Variants in TERB1 observed in about 807,000 individuals in gnomAD.
TERB1 encodes the protein telomere repeats-binding bouquet formation protein 1.
TERB1 carries 63 observed loss-of-function variants against 92.3 expected under a neutral mutation model. That is an observed-to-expected ratio of 0.68 (90% CI 0.56 to 0.84). TERB1 has a LOEUF of 0.84. Ranked by LOEUF, TERB1 falls within the 40% of genes least tolerant of loss-of-function variation. The pLI is 0.00. For missense variants in TERB1, 709 were observed against 843.7 expected (o/e 0.84, Z 1.98); for synonymous variants, 252 against 283.9 (o/e 0.89, Z 1.13).
chr16:66,766,160 C>T (rs1232230997), intron 16 of TERB1, among the ~76,000 whole-genome samples: 3 of 151,912 alleles, frequency 2.0e-5, no homozygotes, highest in Non-Finnish European at 2.9e-5. Context: ...CGTGAGCCAC[C>T]GCGCCCGGCC....
intron 6 of TERB1, among the ~76,000 whole-genome samples, chr16:66,787,267 TTTTC>T (rs1469696559): frequency 1.7e-4 from 23 of 136,452 alleles, no homozygotes; most frequent in African/African-American, 5.2e-4. Context: ...CCCAGTTAAT[TTTTC>T]TTTTTCTTTT....
intron 2 of TERB1, among the ~76,000 whole-genome samples, chr16:66,799,351 C>T (rs572351451): frequency 6.6e-6 from 1 of 152,240 alleles, no homozygotes; most frequent in South Asian, 2.1e-4. Context: ...TCTCCGCCTC[C>T]TGAGTGGCTG....
At chr16:66,791,962 C>A (rs1014499140) in intron 3 of TERB1, among the ~76,000 whole-genome samples, 4 of 152,032 alleles carry the variant, frequency 2.6e-5, no homozygotes. Flanking sequence ...TACCTTTATA[C>A]CAAAACGGAA....
intron 16 of TERB1, 22 bp downstream of exon 16, chr16:66,767,393 C>A (rs2018364793): frequency 2.2e-6 from 3 of 1,342,812 alleles, no homozygotes; most frequent in East Asian, 5.2e-5. Context: ...TGTGAAACAA[C>A]TGCAATTAAA....
chr16:66,786,020 G>A lies in TERB1; in HGVS notation c.571C>T (p.Gln191Ter). 1 of 1,544,400 alleles carries A rather than the reference G, an allele frequency of 6.5e-7. No individual in the cohort carries two copies. Among genetic ancestry groups the A allele is most frequent in the Non-Finnish European group, 8.7e-7 (1 of 1,143,194 alleles). Residue 191 changes from glutamine (Q) to a stop codon, truncating the protein, a stop_gained, in exon 8 of 19, where the codon CAA becomes TAA. Coordinates refer to ENST00000433154, the MANE Select transcript of TERB1 (RefSeq NM_001136505.2). LOFTEE classifies it high-confidence loss of function. ...AAACATGACAGATAATTACCATTTT[G>A]AGGATTGTTGACACAGACACACAGA... is the stretch of plus-strand genomic sequence containing the variant. ...STLCVCVNNP[Q>*]NDENQMFCCS... is the part of the protein sequence containing the mutation.
chr16:66,761,329 G>A (rs1486834386), intron 16 of TERB1, among the ~76,000 whole-genome samples: 1 of 151,074 alleles, frequency 6.6e-6, no homozygotes, highest in Non-Finnish European at 1.5e-5. Flanking sequence ...GCAGGTGCCT[G>A]TAATCCCAGC....
intron 13 of TERB1, 25 bp downstream of exon 13, chr16:66,772,564 T>C (rs1398042223): frequency 6.6e-7 from 1 of 1,522,214 alleles, no homozygotes. Context: ...AAAAGTTCTA[T>C]ATTCTTTAAA....
intron 9 of TERB1, among the ~76,000 whole-genome samples, chr16:66,783,055 T>A (rs188871752): frequency 1.3e-5 from 2 of 152,192 alleles, no homozygotes; most frequent in Non-Finnish European, 2.9e-5. Flanking sequence ...GGTCTTTCTA[T>A]GTTGCCCAGG....
At position 66,790,964 on chromosome 16, in the gene TERB1, A is replaced by G. The variant is rs1241293128; in HGVS notation, c.87T>C (p.Asn29=). 1.3e-6 allele frequency: 2 copies of G among 1,549,752 alleles called. No homozygotes were observed. Among genetic ancestry groups the G allele is most frequent in the African/African-American group, 2.7e-5 (2 of 73,004 alleles). ...CCAAAGCTTCCTTTTGTGAAAAAGC[A>G]TTGTCCATTTGATACTTTAGACACT... is the stretch of plus-strand genomic sequence containing the variant. ...LLECLKYQMD[N]AFSQKEALVT... The change falls in exon 4 of 19, where the codon AAT becomes AAC. Residue 29 remains asparagine (N), a synonymous_variant. Transcript: ENST00000433154.
At chr16:66,766,100 T>C (rs1399786704) in intron 16 of TERB1, among the ~76,000 whole-genome samples, 1 of 146,752 alleles carries the variant, frequency 6.8e-6, no homozygotes, top group Non-Finnish European at 1.5e-5. Flanking sequence ...CTCGATCTCC[T>C]GACCTCATGA....
rs34949570 is a variant in TERB1, at chr16:66,784,748, ATTTTTTT to A, written c.700+1031_700+1037del. Among the ~76,000 whole-genome samples, 23 of 117,610 alleles carry A rather than the reference ATTTTTTT, an allele frequency of 2.0e-4. No individual in the cohort carries two copies. The South Asian group carries it at 3.0e-3, about 15-fold the overall frequency. 77.2% of individuals were successfully genotyped at this position (117,610 alleles called of 152,430 possible). A position where few individuals can be genotyped will look rare whatever the true frequency, so the allele number is the denominator to read the frequency against. ...TCCCACAGATTTCTTTTAATTTTTA[ATTTTTTT>A]TTTTTTTTTTTTTGAAACGGAGTCT... is the stretch of plus-strand genomic sequence containing the variant. On this transcript the variant is annotated intron_variant, in intron 9 of 18. Transcript: ENST00000433154.
intron 6 of TERB1, among the ~76,000 whole-genome samples, chr16:66,786,798 T>C (rs1032712505): frequency 6.6e-6 from 1 of 152,184 alleles, no homozygotes; most frequent in Non-Finnish European, 1.5e-5. Flanking sequence ...CAGCCACTGC[T>C]AGCAGAAGAA....
intron 18 of TERB1, among the ~76,000 whole-genome samples, chr16:66,757,092 A>G (rs1002126033): frequency 6.6e-6 from 1 of 152,182 alleles, no homozygotes; most frequent in Non-Finnish European, 1.5e-5. Flanking sequence ...TAAGTTTATC[A>G]AGGGGGAAAA....
chr16:66,762,287 G>A (rs764709321), intron 16 of TERB1, among the ~76,000 whole-genome samples: 13 of 152,146 alleles, frequency 8.5e-5, no homozygotes, highest in African/African-American at 2.4e-4. Flanking sequence ...CTGTCCCCAC[G>A]TATGCACTGG....
chr16:66,783,654 A>G (rs976110087), intron 9 of TERB1, among the ~76,000 whole-genome samples: 23 of 152,338 alleles, frequency 1.5e-4, no homozygotes, highest in Middle Eastern at 3.4e-3. Context: ...TGAAATGTTT[A>G]GCAGAATTCG....
intron 16 of TERB1, among the ~76,000 whole-genome samples, chr16:66,764,097 C>A (rs1001738996): frequency 6.6e-6 from 1 of 152,036 alleles, no homozygotes; most frequent in Non-Finnish European, 1.5e-5. Flanking sequence ...TTCAAGGCAA[C>A]AGGGAGGAAC....
chr16:66,774,070 A>C (rs185434520), intron 12 of TERB1, among the ~76,000 whole-genome samples: 1 of 150,046 alleles, frequency 6.7e-6, no homozygotes, highest in East Asian at 2.0e-4. Context: ...TTTAGTACAG[A>C]CAGGGTTTCA....
intron 6 of TERB1, 116 bp downstream of exon 6, chr16:66,788,051 ACT>A (rs2018757337): frequency 6.5e-6 from 5 of 765,252 alleles, no homozygotes; most frequent in South Asian, 5.1e-5. Flanking sequence ...TCAGAGCAAG[ACT>A]CTGTCTCCAA....
In TERB1 at chr16:66,768,843, C is replaced by G. The variant is rs564765300; in HGVS notation, c.1620-675G>C. ...CCCTAGCCGGGTGCGGTGGTTCACG[C>G]CTGTAATCCCAGCATTTTAGGAGGC... On this transcript the variant is annotated intron_variant, in intron 14 of 18. Coordinates refer to ENST00000433154, the MANE Select transcript of TERB1 (RefSeq NM_001136505.2). Among the ~76,000 whole-genome samples, 21 of 152,176 alleles carry G rather than the reference C, an allele frequency of 1.4e-4. No individual in the cohort carries two copies. In the East Asian group the frequency reaches 3.7e-3, roughly 27 times the overall value.
Sources: gnomAD v4.1 joint callset for allele counts (sites outside exome capture counted in the v4.1 genomes callset) on GRCh38, gnomAD v4.1.1 for gene constraint, MANE v1.5 for transcripts, NCBI Gene and HGNC (gene_info 2026-07-23, HGNC 2026-07-21) for gene names.